Variants in TMEM272 observed in about 807,000 individuals in gnomAD.
TMEM272 encodes long intergenic non-protein coding RNA 282.
Under a neutral mutation model 3.7 loss-of-function variants are expected in TMEM272, and 8 were observed. The observed-to-expected ratio is 2.17, with a 90% CI of 1.27 to 3.91. The LOEUF (loss-of-function observed/expected upper bound fraction) is 3.91, where lower values mean the gene tolerates loss of function less well. Among genes scored for constraint, TMEM272 ranks in the 30% most tolerant of loss-of-function variants. The probability of loss-of-function intolerance (pLI) is 0.00; values close to 1 mark genes in which losing one functional copy is unlikely to be tolerated. For missense variants in TMEM272, 166 were observed against 91.5 expected, an observed-to-expected ratio of 1.81 and a Z score of -3.32; for synonymous variants, 63 against 39.8, an observed-to-expected ratio of 1.58 and a Z score of -2.20.
the TMEM272 span, among the ~76,000 whole-genome samples, chr13:51,891,212 A>G: frequency 1.3e-5 from 2 of 152,166 alleles, no homozygotes; most frequent in Non-Finnish European, 2.9e-5. Context: ...TTTCTCTTCA[A>G]TCTTCTTGGA....
At chr13:51,826,316 A>G (rs1956124910) in intron 3 of TMEM272, among the ~76,000 whole-genome samples, 1 of 152,100 alleles carries the variant, frequency 6.6e-6, no homozygotes, top group Non-Finnish European at 1.5e-5. Flanking sequence ...TCATCTGGGG[A>G]CAGATTTCTA....
At chr13:51,835,223 TC>T (rs1555274803) in intron 2 of TMEM272, among the ~76,000 whole-genome samples, 1 of 25,176 alleles carries the variant, frequency 4.0e-5, no homozygotes, top group Non-Finnish European at 1.2e-4. Context: ...ACTTTTATTT[TC>T]TTTCTTTTTT....
upstream of TMEM272, among the ~76,000 whole-genome samples, chr13:51,849,144 G>A (rs11148230): frequency 6.6e-6 from 1 of 152,040 alleles, no homozygotes; most frequent in African/African-American, 2.4e-5. Context: ...AGAATGCATG[G>A]TCCCACAACT....
chr13:51,878,540 T>A, the TMEM272 span, among the ~76,000 whole-genome samples: 3 of 151,958 alleles, frequency 2.0e-5, no homozygotes, highest in African/African-American at 7.3e-5. Context: ...TCCCATGAGG[T>A]CCCTCCCCCA....
At chr13:51,846,686 G>A (rs2139597599), upstream of TMEM272, among the ~76,000 whole-genome samples, 1 of 152,296 alleles carries the variant, frequency 6.6e-6, no homozygotes, top group Non-Finnish European at 1.5e-5. Flanking sequence ...TATTGCCCCT[G>A]AAGAACTTCC....
At chr13:51,925,389 A>G in the TMEM272 span, among the ~76,000 whole-genome samples, 1 of 152,214 alleles carries the variant, frequency 6.6e-6, no homozygotes, top group African/African-American at 2.4e-5. Flanking sequence ...CTTTCCATAG[A>G]AATTGAAACA....
At chr13:51,839,473 A>G (rs1956243341) in intron 1 of TMEM272, among the ~76,000 whole-genome samples, 1 of 152,096 alleles carries the variant, frequency 6.6e-6, no homozygotes, top group African/African-American at 2.4e-5. Context: ...TGGGGCAGGC[A>G]TCCTTACTTC....
At chr13:51,878,616 C>T in the TMEM272 span, among the ~76,000 whole-genome samples, 7 of 152,132 alleles carry the variant, frequency 4.6e-5, no homozygotes, top group African/African-American at 1.7e-4. Context: ...CAGAGCCAGA[C>T]CATATCACCT....
At chr13:51,905,761 G>A in the TMEM272 span, among the ~76,000 whole-genome samples, 15 of 152,350 alleles carry the variant, frequency 9.8e-5, no homozygotes, top group African/African-American at 3.6e-4. Context: ...ATGCTATTAT[G>A]AGAGGCTCTG....
At chr13:51,915,027 A>T in the TMEM272 span, among the ~76,000 whole-genome samples, 947 of 152,370 alleles carry the variant, frequency 6.2e-3, 45 homozygotes, top group East Asian at 0.13. Context: ...TACAAAAGTG[A>T]TGTTTAGAAT....
At chr13:51,841,411 C>A (rs146537658) in intron 1 of TMEM272, among the ~76,000 whole-genome samples, 1 of 152,196 alleles carries the variant, frequency 6.6e-6, no homozygotes, top group African/African-American at 2.4e-5. Flanking sequence ...TTTCTATCAG[C>A]GCCTACAAAC....
the TMEM272 span, among the ~76,000 whole-genome samples, chr13:51,889,264 C>T: frequency 6.6e-6 from 1 of 152,134 alleles, no homozygotes. Context: ...CCTCATATCC[C>T]TTCTGTTATG....
At chr13:51,841,691 T>C (rs1231759779) in intron 1 of TMEM272, among the ~76,000 whole-genome samples, 1 of 152,216 alleles carries the variant, frequency 6.6e-6, no homozygotes, top group East Asian at 1.9e-4. Context: ...AAAACAGTGA[T>C]ATCTTTATTG....
chr13:51,875,111 A>G, the TMEM272 span, among the ~76,000 whole-genome samples: 1 of 152,244 alleles, frequency 6.6e-6, no homozygotes, highest in Non-Finnish European at 1.5e-5. Flanking sequence ...ACAGTTGCTC[A>G]TGTTGGTTGA....
the TMEM272 span, among the ~76,000 whole-genome samples, chr13:51,927,669 A>G: frequency 6.6e-6 from 1 of 152,050 alleles, no homozygotes. Context: ...TCAATCCCCA[A>G]TGTGCACCAG....
chr13:51,861,138 T>C, the TMEM272 span, among the ~76,000 whole-genome samples: 3 of 151,674 alleles, frequency 2.0e-5, no homozygotes, highest in East Asian at 5.8e-4. Flanking sequence ...ATTAAAAAAA[T>C]TAAAAAGAAG....
chr13:51,926,699 CA>C, the TMEM272 span, among the ~76,000 whole-genome samples: 1 of 151,494 alleles, frequency 6.6e-6, no homozygotes, highest in Non-Finnish European at 1.5e-5. Flanking sequence ...TGGGTGGGGA[CA>C]GGGGCATGCT....
At chr13:51,889,196 T>C in the TMEM272 span, among the ~76,000 whole-genome samples, 1 of 152,252 alleles carries the variant, frequency 6.6e-6, no homozygotes, top group Non-Finnish European at 1.5e-5. Flanking sequence ...TTAACAATTT[T>C]AATAGATATT....
chr13:51,830,960 T>C (rs1956168556), intron 2 of TMEM272, among the ~76,000 whole-genome samples: 1 of 151,900 alleles, frequency 6.6e-6, no homozygotes, highest in Non-Finnish European at 1.5e-5. Context: ...CGAGGTCGAA[T>C]GAGGCTCACT....
Sources: allele counts gnomAD v4.1 joint callset (sites outside exome capture counted in the v4.1 genomes callset), GRCh38; gene constraint gnomAD v4.1.1; transcripts MANE v1.5; gene names NCBI Gene and HGNC (gene_info 2026-07-23, HGNC 2026-07-21).